Variants in UGT1A3 observed in about 807,000 individuals in gnomAD.
The protein encoded by UGT1A3 is UDP-glucuronosyltransferase 1A3.
In UGT1A3, 31 loss-of-function variants were observed where a neutral mutation model predicts 41.0. That is an observed-to-expected ratio of 0.76 (90% CI 0.57 to 1.02). The LOEUF (loss-of-function observed/expected upper bound fraction) is 1.02, where lower values mean the gene tolerates loss of function less well. UGT1A3 is among the 50% of genes least tolerant of loss of function. UGT1A3 has a pLI of 0.00. For missense variants in UGT1A3, 737 were observed against 671.0 expected, an observed-to-expected ratio of 1.10 and a Z score of -1.09; for synonymous variants, 262 against 257.6, an observed-to-expected ratio of 1.02 and a Z score of -0.17.
chr2:233,760,363 C>A lies in UGT1A3; in HGVS notation c.868-6671C>A, dbSNP rs1400895192. On this transcript the variant is annotated intron_variant, in intron 1 of 4. Transcript: ENST00000482026. ...GTGTGTGCTGGGCCCAGTGGTGTCC[C>A]ATGCTGGGAAGATACTGTTGATCCC... is the stretch of plus-strand genomic sequence containing the variant. 5.0e-6 allele frequency: 8 copies of A among 1,614,118 alleles called. No homozygotes were observed. In the East Asian group the frequency reaches 1.8e-4, roughly 36 times the overall value.
At chr2:233,731,449 C>T (rs2078164021) in intron 1 of UGT1A3, among the ~76,000 whole-genome samples, 1 of 152,132 alleles carries the variant, frequency 6.6e-6, no homozygotes, top group South Asian at 2.1e-4. Flanking sequence ...CCCCACCCCA[C>T]AACAGGCCCT....
At chr2:233,755,143 C>T (rs1695780518) in intron 1 of UGT1A3, 3 of 1,305,190 alleles carry the variant, frequency 2.3e-6, no homozygotes, top group Non-Finnish European at 3.1e-6. Context: ...AATCTTCTCA[C>T]CGCTTCCTCC....
chr2:233,745,338 A>T lies in UGT1A3; in HGVS notation c.867+15345A>T, dbSNP rs565612187. Among the ~76,000 whole-genome samples, 7 of 151,968 alleles carry T rather than the reference A, an allele frequency of 4.6e-5. No individual in the cohort carries two copies. The East Asian group carries it at 1.2e-3, about 25-fold the overall frequency. ...CCACTAGAACTGCTATATCATGACC[A>T]TGAATTTTGGGGGAATTTTTTTGAG... On this transcript the variant is annotated intron_variant, in intron 1 of 4. Transcript: ENST00000482026.
At chr2:233,761,638 C>T (rs769742430) in intron 1 of UGT1A3, among the ~76,000 whole-genome samples, 2 of 152,230 alleles carry the variant, frequency 1.3e-5, no homozygotes, top group African/African-American at 2.4e-5. Context: ...TCCTGCAGTC[C>T]GTTCTCTTCT....
At chr2:233,772,049 G>A (rs371064452) in intron 4 of UGT1A3, among the ~76,000 whole-genome samples, 4 of 152,178 alleles carry the variant, frequency 2.6e-5, no homozygotes, top group African/African-American at 9.7e-5. Context: ...GGAGTTGGAG[G>A]CTGCAGTTAG....
In UGT1A3 at chr2:233,748,243, C is replaced by T. The variant is rs570859275; in HGVS notation, c.867+18250C>T. Among the ~76,000 whole-genome samples the T allele has an allele frequency of 2.0e-4, 31 of 151,784 alleles. 2 individuals are homozygous for T. Among genetic ancestry groups the T allele is most frequent in the African/African-American group, 6.3e-4 (26 of 41,150 alleles). ...TAAACTGTTAAGGGGTCTCTAGTAGCGTATTTCAGGTTTTAAATGGTCAAT... is the reference window on the plus strand; with the variant it reads ...TAAACTGTTAAGGGGTCTCTAGTAGTGTATTTCAGGTTTTAAATGGTCAAT... On this transcript the variant is annotated intron_variant, in intron 1 of 4. Transcript: ENST00000482026.
At chr2:233,760,225 G>A (rs1047777533) in intron 1 of UGT1A3, 1 of 1,585,000 alleles carries the variant, frequency 6.3e-7, no homozygotes. Flanking sequence ...GTATCGATTG[G>A]TTTTTGCCAT....
chr2:233,757,560 A>ATATATATATATATATATATATGTG (rs904896556), intron 1 of UGT1A3, among the ~76,000 whole-genome samples: 3 of 123,154 alleles, frequency 2.4e-5, no homozygotes, highest in Admixed American at 7.8e-5. Context: ...ATATATATAT[A>ATATATATATATATATATATATGTG]TGTATATATG....
Position 233,761,237 on chromosome 2 carries a change from G to A in UGT1A3, c.868-5797G>A, listed in dbSNP as rs1002651373. 1.9e-6 allele frequency: 3 copies of A among 1,612,296 alleles called. No homozygotes were observed. The African/African-American group carries it at 4.0e-5, about 22-fold the overall frequency. Reference sequence around the variant, plus strand: ...GATTAACTAGCCCCAGATATATGCTGAGCAAGCATTCTGAGATAATTTAAA... The same window carrying A: ...GATTAACTAGCCCCAGATATATGCTAAGCAAGCATTCTGAGATAATTTAAA... On this transcript the variant is annotated intron_variant, in intron 1 of 4. Coordinates refer to ENST00000482026, the MANE Select transcript of UGT1A3 (RefSeq NM_019093.4).
Position 233,768,305 on chromosome 2 carries a change from G to A in UGT1A3, c.1173G>A (p.Met391Ile), listed in dbSNP as rs1559415443. The A allele has an allele frequency of 1.2e-6, 2 of 1,614,084 alleles. No homozygotes were observed. Among genetic ancestry groups the A allele is most frequent in the Admixed American group, 1.7e-5 (1 of 59,988 alleles). ...TATGCAATGGCGTTCCCATGGTGAT[G>A]ATGCCCTTGTTTGGTGATCAGATGG... is the stretch of plus-strand genomic sequence containing the variant. ...ESICNGVPMV[M>I]MPLFGDQMDN... The change falls in exon 4 of 5, where the codon ATG becomes ATA. Residue 391 changes from methionine to isoleucine, a missense_variant. By Grantham distance (10) the Met-to-Ile change is conservative. Transcript: ENST00000482026.
At position 233,743,070 on chromosome 2, in the gene UGT1A3, T is replaced by G. The variant is rs1338507367; in HGVS notation, c.867+13077T>G. 11 of 339,422 alleles carry G rather than the reference T, an allele frequency of 3.2e-5. No homozygotes were observed. The Admixed American group carries it at 4.5e-4, about 14-fold the overall frequency. 21.0% of individuals were successfully genotyped at this position (339,422 alleles called of 1,614,324 possible). A position where few individuals can be genotyped will look rare whatever the true frequency, so the allele number is the denominator to read the frequency against. On this transcript the variant is annotated intron_variant, in intron 1 of 4. Transcript: ENST00000482026. ...TAGTCCCAACGATAAGAACAGGTGT[T>G]GGCATGAAGTGTTTATAAATTCTTG...
intron 1 of UGT1A3, among the ~76,000 whole-genome samples, chr2:233,730,263 G>C (rs45449797): frequency 1.3e-5 from 2 of 152,070 alleles, no homozygotes; most frequent in South Asian, 2.1e-4. Context: ...AGAGACTGTT[G>C]GTTTGTAAAG....
At position 233,769,746 on chromosome 2, in the gene UGT1A3, T is replaced by A; in HGVS notation, c.1307+1307T>A. On this transcript the variant is annotated intron_variant, in intron 4 of 4. Transcript: ENST00000482026. This position sits in a 1 kb window ranked among gnomAD's most constrained non-coding sequence, Gnocchi z 4.4. ...GGCACACGCCTGTAGTCCCAGCCAC[T>A]CTGGAGGCTAAGGCGGGAGGATTGC... 3 of 1,441,832 alleles carry A rather than the reference T, an allele frequency of 2.1e-6. No individual in the cohort carries two copies. Among genetic ancestry groups the A allele is most frequent in the Non-Finnish European group, 2.7e-6 (3 of 1,095,648 alleles). The allele number at this position is 1,441,832 out of a possible 1,614,324, so 89.3% of individuals were successfully genotyped here. A position where few individuals can be genotyped will look rare whatever the true frequency, so the allele number is the denominator to read the frequency against.
In UGT1A3 at chr2:233,729,995, T is replaced by A. The variant is rs776522612; in HGVS notation, c.867+2T>A. 3.7e-6 allele frequency: 6 copies of A among 1,613,982 alleles called. No homozygotes were observed. Among genetic ancestry groups the A allele is most frequent in the Non-Finnish European group, 4.2e-6 (5 of 1,179,896 alleles). On this transcript the variant is annotated splice_donor_variant, in intron 1 of 4. Transcript: ENST00000482026. LOFTEE classifies it high-confidence loss of function. ...GCCAACAGGAAGCCACTATCTCAGG[T>A]CTGTATTGGTGCCTTCATCCAATCA... is the stretch of plus-strand genomic sequence containing the variant.
At chr2:233,759,230 A>AG (rs1697089721) in intron 1 of UGT1A3, among the ~76,000 whole-genome samples, 1 of 152,196 alleles carries the variant, frequency 6.6e-6, no homozygotes, top group African/African-American at 2.4e-5. Flanking sequence ...CAAATGAAGG[A>AG]TGGAAACTTG....
chr2:233,755,793 G>T (rs1244262397), intron 1 of UGT1A3: 1 of 152,190 alleles, frequency 6.6e-6, no homozygotes, highest in African/African-American at 2.4e-5. Flanking sequence ...CATATGTACT[G>T]CATTAGAGAT....
chr2:233,767,208 G>A (rs1699334912), intron 2 of UGT1A3, 43 bp downstream of exon 2: 1 of 1,612,972 alleles, frequency 6.2e-7, no homozygotes, highest in Non-Finnish European at 8.5e-7. Context: ...ATTTTCACAG[G>A]AGCGCTAATC....
chr2:233,766,941 CTT>C (rs1181613767), intron 1 of UGT1A3, 91 bp from the exon 2 acceptor site: 3 of 1,595,132 alleles, frequency 1.9e-6, no homozygotes, highest in African/African-American at 2.7e-5. Flanking sequence ...TAATCATAGT[CTT>C]AAGAGGAAGA....
In UGT1A3 at chr2:233,768,425, C is replaced by T. The variant is rs1021872145; in HGVS notation, c.1293C>T (p.Val431=). Residue 431 remains valine, a synonymous_variant, in exon 4 of 5, where the codon GTC becomes GTT. Transcript: ENST00000482026. The part of the protein sequence containing the change: ...SEDLENALKA[V]INDKSYKENI... ...ATTTAGAAAATGCTCTAAAAGCAGT[C>T]ATCAATGACAAAAGGTAAGAAAGAA... 1.2e-6 allele frequency: 2 copies of T among 1,613,876 alleles called. No homozygotes were observed. The highest frequency in any genetic ancestry group is 1.7e-5 in the Admixed American group (1 of 59,984).
Sources: allele counts gnomAD v4.1 joint callset (sites outside exome capture counted in the v4.1 genomes callset), GRCh38; gene constraint gnomAD v4.1.1; non-coding constraint Gnocchi (gnomAD v3.1); transcripts MANE v1.5; gene names NCBI Gene and HGNC (gene_info 2026-07-23, HGNC 2026-07-21).